NRXN1: variants seen among roughly 807,000 people sequenced by gnomAD.
NRXN1 encodes neurexin-1.
A neutral mutation model predicts 150.9 loss-of-function variants in NRXN1; 39 were observed. The ratio of observed to expected loss-of-function variants is 0.26; its 90% CI spans 0.20 to 0.34. The LOEUF is 0.34. Among genes scored for constraint, NRXN1 ranks in the 10% least tolerant of loss-of-function variants. The pLI, the probability that NRXN1 is intolerant of heterozygous loss-of-function variation, is 1.00. For missense variants in NRXN1, 1,815 were observed against 1,949.9 expected (o/e 0.93, Z 1.30); for synonymous variants, 924 against 757.0 (o/e 1.22, Z -3.62).
intron 5 of NRXN1, among the ~76,000 whole-genome samples, chr2:50,858,744 G>A (rs941974463): frequency 6.6e-6 from 1 of 151,890 alleles, no homozygotes; most frequent in Non-Finnish European, 1.5e-5. Flanking sequence ...AAATCAGGAG[G>A]GTTGATATTA....
intron 15 of NRXN1, among the ~76,000 whole-genome samples, chr2:50,480,053 G>A (rs1338319928): frequency 9.2e-5 from 14 of 152,148 alleles, no homozygotes; most frequent in African/African-American, 2.9e-4. Context: ...GATTACAGGC[G>A]TAAGCCACCA....
chr2:50,141,545 T>C (rs1434738728), intron 18 of NRXN1, among the ~76,000 whole-genome samples: 1 of 151,988 alleles, frequency 6.6e-6, no homozygotes, highest in African/African-American at 2.4e-5. Context: ...AAGAAAATAT[T>C]TGCAAACTAT....
chr2:50,829,314 G>C (rs929967919), intron 5 of NRXN1: 10 of 642,392 alleles, frequency 1.6e-5, no homozygotes, highest in Non-Finnish European at 8.2e-6. Context: ...ATTTTTAGTA[G>C]AGATGGGGTT....
At chr2:50,700,252 T>A (rs1186948057) in intron 5 of NRXN1, among the ~76,000 whole-genome samples, 1 of 152,168 alleles carries the variant, frequency 6.6e-6, no homozygotes, top group Admixed American at 6.5e-5. Context: ...ACAAGCTCCA[T>A]TTGGAAAAGT....
At chr2:50,424,877 G>T (rs1424836108) in intron 17 of NRXN1, among the ~76,000 whole-genome samples, 1 of 152,060 alleles carries the variant, frequency 6.6e-6, no homozygotes, top group African/African-American at 2.4e-5. Context: ...ATTTCGTATT[G>T]CATAATATTT....
chr2:50,060,635 C>T (rs1201535165), intron 19 of NRXN1, among the ~76,000 whole-genome samples: 1 of 152,122 alleles, frequency 6.6e-6, no homozygotes, highest in Admixed American at 6.5e-5. Context: ...CCCCATGTGT[C>T]ATGGGAGACA....
At chr2:50,034,619 C>A (rs1270814852) in intron 21 of NRXN1, among the ~76,000 whole-genome samples, 1 of 151,958 alleles carries the variant, frequency 6.6e-6, no homozygotes, top group Non-Finnish European at 1.5e-5. Flanking sequence ...TATAACAAAC[C>A]TGCACATGTA....
intron 18 of NRXN1, among the ~76,000 whole-genome samples, chr2:50,127,393 G>A (rs1704757235): frequency 6.6e-6 from 1 of 151,990 alleles, no homozygotes; most frequent in East Asian, 1.9e-4. Context: ...TAAAAAGAAT[G>A]CTTGAAAAAG....
chr2:50,702,548 G>A (rs566963520), intron 5 of NRXN1, among the ~76,000 whole-genome samples: 17 of 130,400 alleles, frequency 1.3e-4, no homozygotes, highest in African/African-American at 4.7e-4. Context: ...TGTATTCATA[G>A]CATTTTTTTG....
chr2:50,053,226 A>G (rs1464387328), intron 21 of NRXN1, 45 bp downstream of exon 21: 15 of 1,597,914 alleles, frequency 9.4e-6, no homozygotes, highest in Non-Finnish European at 1.2e-5. Flanking sequence ...CCACTATCAT[A>G]AATAATATAG....
intron 5 of NRXN1, among the ~76,000 whole-genome samples, chr2:50,749,692 T>C (rs1700376382): frequency 6.6e-6 from 1 of 152,078 alleles, no homozygotes; most frequent in East Asian, 1.9e-4. Context: ...GAAATAAAAT[T>C]AACTTGCAAT....
At chr2:50,823,060 AC>A (rs1245706102) in intron 5 of NRXN1, among the ~76,000 whole-genome samples, 3 of 152,124 alleles carry the variant, frequency 2.0e-5, no homozygotes, top group Non-Finnish European at 4.4e-5. Context: ...GTGCACTTGC[AC>A]CCTGGAGACC....
In NRXN1 at chr2:50,082,059, C is replaced by A. The variant is rs567457418; in HGVS notation, c.3718+9264G>T. ...AAAAACCTAATACTCTTTAATATGT[C>A]ATTTTTTCCGGCCTTCAGTGCTTAG... On this transcript the variant is annotated intron_variant, in intron 19 of 22. Transcript: ENST00000401669. Among the ~76,000 whole-genome samples the A allele has an allele frequency of 3.9e-5, 6 of 152,258 alleles. No homozygotes were observed. In the South Asian group the frequency reaches 1.2e-3, roughly 32 times the overall value.
chr2:50,625,471 C>T (rs989925629), intron 5 of NRXN1, among the ~76,000 whole-genome samples: 4 of 152,008 alleles, frequency 2.6e-5, no homozygotes, highest in Admixed American at 2.0e-4. Flanking sequence ...TTCAAACGCT[C>T]AGAATATTGG....
At chr2:50,726,115 A>G (rs1303030005) in intron 5 of NRXN1, among the ~76,000 whole-genome samples, 2 of 152,152 alleles carry the variant, frequency 1.3e-5, no homozygotes, top group Non-Finnish European at 2.9e-5. Context: ...CATTTGAGGA[A>G]ACTGCTTCTT....
intron 21 of NRXN1, among the ~76,000 whole-genome samples, chr2:50,043,914 A>C (rs1038128200): frequency 6.6e-6 from 1 of 152,120 alleles, no homozygotes; most frequent in Non-Finnish European, 1.5e-5. Context: ...GATTTGGGTC[A>C]TCATGTGTGA....
At chr2:50,081,204 T>C (rs563535417) in intron 19 of NRXN1, among the ~76,000 whole-genome samples, 42 of 152,338 alleles carry the variant, frequency 2.8e-4, no homozygotes, top group African/African-American at 9.6e-4. Context: ...CACCAGTGTA[T>C]GATATTTTAT....
chr2:50,772,448 A>C (rs1340604789), intron 5 of NRXN1, among the ~76,000 whole-genome samples: 15 of 152,036 alleles, frequency 9.9e-5, no homozygotes. Flanking sequence ...ACATAAAAGT[A>C]AACTTAAAAG....
chr2:50,026,859 C>CTTTTTTTTTTTTTTTTTTTTTTTTTTTT (rs57580154), intron 21 of NRXN1, among the ~76,000 whole-genome samples: 5 of 65,242 alleles, frequency 7.7e-5, no homozygotes, highest in African/African-American at 1.3e-4. Context: ...CTTTTCTTTT[C>CTTTTTTTTTTTTTTTTTTTTTTTTTTTT]TTTTTTTTTT....
Sources: gnomAD v4.1 joint callset for allele counts (sites outside exome capture counted in the v4.1 genomes callset) on GRCh38, gnomAD v4.1.1 for gene constraint, MANE v1.5 for transcripts, NCBI Gene and HGNC (gene_info 2026-07-23, HGNC 2026-07-21) for gene names.